Variants in SF3B3 observed in about 807,000 individuals in gnomAD.
The protein encoded by SF3B3 is SAP 130.
A neutral mutation model predicts 139.2 loss-of-function variants in SF3B3; 33 were observed. The observed-to-expected ratio is 0.24, with a 90% CI of 0.18 to 0.32. The LOEUF (loss-of-function observed/expected upper bound fraction) is 0.32. SF3B3 is among the 10% of genes least tolerant of loss of function. The probability of loss-of-function intolerance (pLI) is 1.00; values close to 1 mark genes in which losing one functional copy is unlikely to be tolerated. For synonymous variants in SF3B3, 596 were observed against 563.6 expected (o/e 1.06, Z -0.81); for missense variants, 818 against 1,509.4 (o/e 0.54, Z 7.59).
chr16:70,561,839 G>T, intron 17 of SF3B3, 55 bp downstream of exon 17: 3 of 1,507,546 alleles, frequency 2.0e-6, no homozygotes, highest in South Asian at 1.2e-5. Flanking sequence ...CAAGGGCTCA[G>T]ACTGGTTCTG....
chr16:70,571,668 C>G lies in SF3B3; in HGVS notation c.3514-5C>G. ...TTTTTTCTTTCTGCTTTCTCCATAT[C>G]TTAGAATGTGATTGATGGAGACCTC... is the stretch of plus-strand genomic sequence containing the variant. On this transcript the variant is annotated splice_region_variant and splice_polypyrimidine_tract_variant and intron_variant, in intron 25 of 25. Transcript: ENST00000302516. The G allele has an allele frequency of 6.2e-7, 1 of 1,608,572 alleles. No homozygotes were observed. The highest frequency in any genetic ancestry group is 8.5e-7 in the Non-Finnish European group (1 of 1,178,320).
intron 11 of SF3B3, among the ~76,000 whole-genome samples, chr16:70,549,098 A>G (rs560576168): frequency 2.6e-4 from 40 of 152,372 alleles, no homozygotes; most frequent in Middle Eastern, 3.4e-3. Context: ...CCTCATAGAA[A>G]GAAAGCTCAG....
At chr16:70,561,583 A>G (rs766869746) in intron 16 of SF3B3, 47 bp from the exon 17 acceptor site, 3 of 1,580,250 alleles carry the variant, frequency 1.9e-6, no homozygotes, top group Non-Finnish European at 1.7e-6. Context: ...CCATATTTGT[A>G]TTTTTTCCCA....
chr16:70,561,125 A>C (rs1451868210), intron 16 of SF3B3, among the ~76,000 whole-genome samples: 1 of 152,076 alleles, frequency 6.6e-6, no homozygotes, highest in African/African-American at 2.4e-5. Context: ...GGTTCAACCA[A>C]TTGTCTTTCC....
At chr16:70,556,140 C>A in intron 13 of SF3B3, 39 bp from the exon 14 acceptor site, 1 of 1,610,964 alleles carries the variant, frequency 6.2e-7, no homozygotes, top group South Asian at 1.1e-5. Flanking sequence ...AGACCCATCC[C>A]TCTGTAGTTT....
At chr16:70,526,819 C>G in intron 2 of SF3B3, 93 bp downstream of exon 2, 1 of 883,406 alleles carries the variant, frequency 1.1e-6, no homozygotes, top group Non-Finnish European at 1.8e-6. Context: ...CCATTTATGA[C>G]AAAACAGTTG....
chr16:70,561,103 C>G (rs1291602386), intron 16 of SF3B3, among the ~76,000 whole-genome samples: 3 of 152,194 alleles, frequency 2.0e-5, no homozygotes. Flanking sequence ...TCACTGCAAC[C>G]TCCGCCTCCT....
chr16:70,542,260 T>C (rs1380599953), intron 9 of SF3B3, among the ~76,000 whole-genome samples: 3 of 152,282 alleles, frequency 2.0e-5, no homozygotes, highest in Non-Finnish European at 4.4e-5. Context: ...TGGATTCATA[T>C]ACTCCACAGT....
chr16:70,553,653 G>A (rs1490501333), intron 11 of SF3B3, among the ~76,000 whole-genome samples: 5 of 151,882 alleles, frequency 3.3e-5, no homozygotes, highest in Admixed American at 6.6e-5. Flanking sequence ...TGTAGGGTGA[G>A]ATACATGGAA....
chr16:70,575,120 G>T lies in SF3B3; in HGVS notation c.*3307G>T, dbSNP rs1003009327. ...TTCAGGTGAACTGAAATGGGCAGGTGTAGGCTACACACCAGTCTGAACCAG... is the reference window on the plus strand; with the variant it reads ...TTCAGGTGAACTGAAATGGGCAGGTTTAGGCTACACACCAGTCTGAACCAG... On this transcript the variant is annotated 3_prime_UTR_variant, in exon 26 of 26. Transcript: ENST00000302516. 2 of 151,322 alleles carry T rather than the reference G, an allele frequency of 1.3e-5. No individual in the cohort carries two copies. The highest frequency in any genetic ancestry group is 1.3e-4 in the Admixed American group (2 of 15,208). The allele number at this position is 151,322 out of a possible 1,614,324, so 9.4% of individuals were successfully genotyped here. A position where few individuals can be genotyped will look rare whatever the true frequency, so the allele number is the denominator to read the frequency against.
intron 20 of SF3B3, 68 bp from the exon 21 acceptor site, chr16:70,567,343 G>T: frequency 1.3e-6 from 2 of 1,518,704 alleles, no homozygotes; most frequent in Non-Finnish European, 1.8e-6. Context: ...GGCATTTCTG[G>T]GCAGAGAGGT....
chr16:70,526,290 C>T (rs2050062890), intron 1 of SF3B3, among the ~76,000 whole-genome samples: 1 of 152,032 alleles, frequency 6.6e-6, no homozygotes, highest in African/African-American at 2.4e-5. Context: ...TCACCACAAC[C>T]TCCGCCTCCC....
At position 70,576,093 on chromosome 16, in the gene SF3B3, T is replaced by TA. The variant is rs374384091; in HGVS notation, c.*4287dup. ...GCGTGAAGCCCTGTTTTTTTTTTTT[T>TA]AAAAAAAGAGTCTGCTGGTGATGTC... is the stretch of plus-strand genomic sequence containing the variant. On this transcript the variant is annotated 3_prime_UTR_variant, in exon 26 of 26. Coordinates refer to ENST00000302516, the MANE Select transcript of SF3B3 (RefSeq NM_012426.5). 0.063 allele frequency: 9,479 copies of TA among 150,762 alleles called. 397 individuals carry two copies. Among genetic ancestry groups the TA allele is most frequent in the Middle Eastern group, 0.17 (50 of 292 alleles). 9.3% of individuals were successfully genotyped at this position (150,762 alleles called of 1,614,324 possible). A position where few individuals can be genotyped will look rare whatever the true frequency, so the allele number is the denominator to read the frequency against.
Position 70,560,512 on chromosome 16 carries a change from A to G in SF3B3, c.2054A>G (p.Asp685Gly). ...LRTVLDPVTGDLSDTRTRYLG... is the reference protein window; with the variant it reads ...LRTVLDPVTGGLSDTRTRYLG... ...ACTGTCTTGGACCCTGTCACTGGGG[A>G]TTTGTCTGATACTCGCACTCGGTAC... The change falls in exon 16 of 26, where the codon GAT becomes GGT. Residue 685 changes from aspartate to glycine, a missense_variant. By Grantham distance (94) the Asp-to-Gly change is moderately conservative (BLOSUM62 -1). Transcript: ENST00000302516. The G allele has an allele frequency of 6.2e-7, 1 of 1,613,804 alleles. No homozygotes were observed. The highest frequency in any genetic ancestry group is 8.5e-7 in the Non-Finnish European group (1 of 1,179,868).
chr16:70,534,926 A>G (rs1299929324), intron 5 of SF3B3, among the ~76,000 whole-genome samples: 2 of 152,154 alleles, frequency 1.3e-5, no homozygotes, highest in Non-Finnish European at 2.9e-5. Context: ...TTGGTCTCCC[A>G]AAGTGCTGGG....
At chr16:70,570,369 T>TA (rs2050517695) in intron 24 of SF3B3, among the ~76,000 whole-genome samples, 1 of 143,394 alleles carries the variant, frequency 7.0e-6, no homozygotes, top group Non-Finnish European at 1.5e-5. Context: ...GTCTCACTGT[T>TA]ACCCGGGCTG....
intron 13 of SF3B3, 86 bp downstream of exon 13, chr16:70,555,292 GT>G: frequency 7.8e-7 from 1 of 1,276,220 alleles, no homozygotes; most frequent in Non-Finnish European, 1.1e-6. Flanking sequence ...TTAGATGATA[GT>G]ATGGTGAAAT....
In SF3B3 at chr16:70,572,791, C is replaced by A. The variant is rs2050542078; in HGVS notation, c.*978C>A. On this transcript the variant is annotated 3_prime_UTR_variant, in exon 26 of 26. Coordinates refer to ENST00000302516, the MANE Select transcript of SF3B3 (RefSeq NM_012426.5). Reference sequence around the variant, plus strand: ...CCATCTCAGGTGGGTTCCAGAGGGCCTTTAGGGTATAATGAGAGCCTGTTA... The same window carrying A: ...CCATCTCAGGTGGGTTCCAGAGGGCATTTAGGGTATAATGAGAGCCTGTTA... 6.6e-6 allele frequency: 1 copy of A among 152,134 alleles called. No homozygotes were observed. The highest frequency in any genetic ancestry group is 1.5e-5 in the Non-Finnish European group (1 of 68,076). 9.4% of individuals were successfully genotyped at this position (152,134 alleles called of 1,614,324 possible). A position where few individuals can be genotyped will look rare whatever the true frequency, so the allele number is the denominator to read the frequency against.
intron 16 of SF3B3, 32 bp downstream of exon 16, chr16:70,560,623 C>A (rs2050419864): frequency 6.2e-7 from 1 of 1,609,084 alleles, no homozygotes; most frequent in African/African-American, 1.3e-5. Context: ...CAGGCAACAT[C>A]TTTGGGATTT....
Sources: allele counts gnomAD v4.1 joint callset (sites outside exome capture counted in the v4.1 genomes callset), GRCh38; gene constraint gnomAD v4.1.1; transcripts MANE v1.5; gene names NCBI Gene and HGNC (gene_info 2026-07-23, HGNC 2026-07-21).